The following ADAM12 variants were observed in gnomAD, a reference collection of about 807,000 sequenced individuals.
The protein encoded by ADAM12 is disintegrin and metalloproteinase domain-containing protein 12.
In ADAM12, 70 loss-of-function variants were observed where a neutral mutation model predicts 106.4. That is an observed-to-expected ratio of 0.66 (90% CI 0.54 to 0.80). The LOEUF is 0.80. Ranked by LOEUF, ADAM12 falls within the 30% of genes least tolerant of loss-of-function variation. The pLI is 0.00. For synonymous variants in ADAM12, 420 were observed against 433.5 expected, an observed-to-expected ratio of 0.97 and a Z score of 0.39; for missense variants, 1,010 against 1,171.9, an observed-to-expected ratio of 0.86 and a Z score of 2.02.
intron 3 of ADAM12, among the ~76,000 whole-genome samples, chr10:126,208,554 G>T (rs1957838685): frequency 6.6e-6 from 1 of 152,134 alleles, no homozygotes; most frequent in Non-Finnish European, 1.5e-5. Context: ...TAAAGGTAAA[G>T]AAAAATAAAT....
intron 5 of ADAM12, among the ~76,000 whole-genome samples, chr10:126,120,925 T>TATATATTATATATTACATATGTAATATAA (rs1565073484): frequency 1.5e-4 from 14 of 95,746 alleles, no homozygotes; most frequent in Non-Finnish European, 2.4e-4. Context: ...TGCAATATAA[T>TATATATTATATATTACATATGTAATATAA]TATATATTAT....
chr10:126,193,264 C>CAAAAAAAA (rs757716875), intron 3 of ADAM12, among the ~76,000 whole-genome samples: 7 of 26,628 alleles, frequency 2.6e-4, no homozygotes, highest in East Asian at 8.1e-4. Context: ...GACTCCATCT[C>CAAAAAAAA]AAAAAAAAAA....
chr10:126,219,289 C>T (rs1958046220), intron 3 of ADAM12, among the ~76,000 whole-genome samples: 1 of 152,230 alleles, frequency 6.6e-6, no homozygotes, highest in African/African-American at 2.4e-5. Flanking sequence ...GCGCCTCGAA[C>T]AGAGGTCCTG....
At chr10:126,242,888 T>C (rs1055372893) in intron 3 of ADAM12, among the ~76,000 whole-genome samples, 1 of 152,140 alleles carries the variant, frequency 6.6e-6, no homozygotes, top group East Asian at 1.9e-4. Context: ...TGTGGACTTT[T>C]ATGATCTCGT....
At chr10:126,201,156 C>T (rs748471916) in intron 3 of ADAM12, among the ~76,000 whole-genome samples, 14 of 152,110 alleles carry the variant, frequency 9.2e-5, no homozygotes, top group African/African-American at 2.7e-4. Context: ...TGATGTGTGC[C>T]GTGGGTTGAA....
At position 126,186,782 on chromosome 10, in the gene ADAM12, G is replaced by A. The variant is rs565758736; in HGVS notation, c.261-31477C>T. Among the ~76,000 whole-genome samples the A allele has an allele frequency of 3.3e-5, 5 of 152,316 alleles. No individual in the cohort carries two copies. In the East Asian group the frequency reaches 5.8e-4, roughly 18 times the overall value. ...GGCTGGAAGAAGCAGAATGCATCGC[G>A]GATGGACAGAAGATGACTTTTAAGT... On this transcript the variant is annotated intron_variant, in intron 3 of 22. Coordinates refer to ENST00000448723, the MANE Select transcript of ADAM12 (RefSeq NM_001288973.2).
At chr10:126,278,839 C>A (rs1347176373) in intron 3 of ADAM12, 76 bp downstream of exon 3, 17 of 1,151,300 alleles carry the variant, frequency 1.5e-5, no homozygotes, top group Non-Finnish European at 2.1e-5. Context: ...TAAACCCCAA[C>A]ATAAATCACA....
At chr10:126,281,253 G>A (rs1959566215) in intron 2 of ADAM12, among the ~76,000 whole-genome samples, 1 of 151,858 alleles carries the variant, frequency 6.6e-6, no homozygotes, top group Admixed American at 6.6e-5. Flanking sequence ...GTATACATGT[G>A]TGTATAACTA....
chr10:126,134,339 C>T (rs191057587), intron 5 of ADAM12, among the ~76,000 whole-genome samples: 2 of 152,168 alleles, frequency 1.3e-5, no homozygotes, highest in Admixed American at 6.5e-5. Context: ...AAAAGAAAGC[C>T]GTAGAATGAT....
Position 126,380,582 on chromosome 10 carries a change from GGCACTGAC to G in ADAM12, c.88+7468_88+7475del, listed in dbSNP as rs528646047. ...ACGCAAAGACCTGCGCACCGCTCCT[GGCACTGAC>G]GCACTCGACAAACTCCTTTTTAAGT... is the stretch of plus-strand genomic sequence containing the variant. On this transcript the variant is annotated intron_variant, in intron 1 of 22. Transcript: ENST00000448723. 1.7e-3 allele frequency among the ~76,000 whole-genome samples: 256 copies of G among 152,290 alleles called. 6 individuals are homozygous for G. The highest frequency in any genetic ancestry group is 9.3e-3 in the South Asian group (45 of 4,830).
Position 126,016,797 on chromosome 10 carries a change from C to T in ADAM12, c.*482G>A, listed in dbSNP as rs1233271452. On this transcript the variant is annotated 3_prime_UTR_variant, in exon 23 of 23. Coordinates refer to ENST00000448723, the MANE Select transcript of ADAM12 (RefSeq NM_001288973.2). ...ACAGCCTGGACCTGAAGCCCCTTGGCTCTGGCCTGAGATGGGGAATCCAGA... is the reference window on the plus strand; with the variant it reads ...ACAGCCTGGACCTGAAGCCCCTTGGTTCTGGCCTGAGATGGGGAATCCAGA... The T allele has an allele frequency of 3.3e-5, 5 of 153,124 alleles. No homozygotes were observed. Among genetic ancestry groups the T allele is most frequent in the African/African-American group, 1.2e-4 (5 of 41,452 alleles). The allele number at this position is 153,124 out of a possible 1,614,324, so 9.5% of individuals were successfully genotyped here. A position where few individuals can be genotyped will look rare whatever the true frequency, so the allele number is the denominator to read the frequency against.
chr10:126,318,101 G>A (rs12772855), intron 2 of ADAM12, among the ~76,000 whole-genome samples: 24,591 of 151,908 alleles, frequency 0.16, 2,171 homozygotes, highest in East Asian at 0.25. Context: ...CCAAGGAATC[G>A]GGCTCGTGGA....
chr10:126,098,423 A>G lies in ADAM12; in HGVS notation c.989T>C (p.Ile330Thr), dbSNP rs1414196472. 4.3e-6 allele frequency: 7 copies of G among 1,613,912 alleles called. No individual in the cohort carries two copies. Among genetic ancestry groups the G allele is most frequent in the East Asian group, 4.5e-5 (2 of 44,872 alleles). The stretch of plus-strand genomic sequence containing the variant: ...CCAATGCCCTTGGCTTACCATGACA[A>G]TTCCCCCAGACTGGTCTGCCGTGCA... Reference protein sequence around the residue: ...SMCTADQSGGIVMDHSDNPLG... With the variant: ...SMCTADQSGGTVMDHSDNPLG... Residue 330 changes from isoleucine to threonine, a missense_variant, in exon 10 of 23, where the codon ATT (isoleucine) becomes ACT (threonine). Physicochemically the swap from Ile to Thr is moderately conservative, Grantham distance 89. Coordinates refer to ENST00000448723, the MANE Select transcript of ADAM12 (RefSeq NM_001288973.2).
At chr10:126,181,768 C>T (rs1339179831) in intron 3 of ADAM12, among the ~76,000 whole-genome samples, 5 of 152,190 alleles carry the variant, frequency 3.3e-5, no homozygotes, top group Non-Finnish European at 1.5e-5. Flanking sequence ...TGGCATTACA[C>T]CACTTCTTCT....
At chr10:126,024,744 A>G (rs573512202) in intron 21 of ADAM12, among the ~76,000 whole-genome samples, 2 of 152,278 alleles carry the variant, frequency 1.3e-5, no homozygotes, top group East Asian at 3.9e-4. Flanking sequence ...TCAAGGACAA[A>G]TAAAATAAAT....
chr10:126,345,552 A>G (rs1045271593), intron 1 of ADAM12, among the ~76,000 whole-genome samples: 7 of 152,318 alleles, frequency 4.6e-5, no homozygotes, highest in African/African-American at 1.7e-4. Flanking sequence ...TGAGTTAGGG[A>G]GGATTCCCTC....
At chr10:126,270,813 G>A (rs1045635946) in intron 3 of ADAM12, among the ~76,000 whole-genome samples, 22 of 152,204 alleles carry the variant, frequency 1.4e-4, no homozygotes, top group African/African-American at 4.8e-4. Flanking sequence ...CTATAGGAAG[G>A]ATATGGAATA....
chr10:126,051,324 A>G (rs1421538547), intron 14 of ADAM12, among the ~76,000 whole-genome samples: 1 of 151,836 alleles, frequency 6.6e-6, no homozygotes, highest in East Asian at 1.9e-4. Context: ...GCCTAACTCT[A>G]TCTCCCTCCC....
At chr10:126,345,832 T>C (rs1480289185) in intron 1 of ADAM12, among the ~76,000 whole-genome samples, 1 of 152,236 alleles carries the variant, frequency 6.6e-6, no homozygotes, top group Non-Finnish European at 1.5e-5. Context: ...TAGTATTCTC[T>C]GATGGTAGTT....
Sources: gnomAD v4.1 joint callset for allele counts (sites outside exome capture counted in the v4.1 genomes callset) on GRCh38, gnomAD v4.1.1 for gene constraint, MANE v1.5 for transcripts, NCBI Gene and HGNC (gene_info 2026-07-23, HGNC 2026-07-21) for gene names.